Variants in TRHR observed in about 807,000 individuals in gnomAD.
The protein encoded by TRHR is thyrotropin releasing hormone receptor, also known as thyrotropin-releasing hormone receptor.
In TRHR, 14 loss-of-function variants were observed where a neutral mutation model predicts 28.0. That is an observed-to-expected ratio of 0.50 (90% CI 0.33 to 0.78). The LOEUF (loss-of-function observed/expected upper bound fraction) is 0.78, where lower values mean the gene tolerates loss of function less well. Among genes scored for constraint, TRHR ranks in the 30% least tolerant of loss-of-function variants. TRHR has a pLI of 0.02. For missense variants in TRHR, 438 were observed against 469.5 expected (o/e 0.93, Z 0.62); for synonymous variants, 176 against 171.9 (o/e 1.02, Z -0.18).
intron 2 of TRHR, among the ~76,000 whole-genome samples, chr8:109,103,597 A>G (rs1405355259): frequency 6.6e-6 from 1 of 152,126 alleles, no homozygotes; most frequent in African/African-American, 2.4e-5. Flanking sequence ...ACCACTCTTC[A>G]CACTTGAGCA....
In TRHR at chr8:109,121,181, A is replaced by G. The variant is rs1375720272; in HGVS notation, c.*1726A>G. ...ATGCAAGCAAATATTTGCAGGAAATACCCTAAAACCCTACCTGCATGACAG... is the reference window on the plus strand; with the variant it reads ...ATGCAAGCAAATATTTGCAGGAAATGCCCTAAAACCCTACCTGCATGACAG... On this transcript the variant is annotated 3_prime_UTR_variant, in exon 3 of 3. Coordinates refer to ENST00000518632, the MANE Select transcript of TRHR (RefSeq NM_003301.7). Among the ~76,000 whole-genome samples the G allele has an allele frequency of 6.6e-6, 1 of 151,302 alleles. No individual in the cohort carries two copies. The highest frequency in any genetic ancestry group is 1.5e-5 in the Non-Finnish European group (1 of 67,694).
intron 2 of TRHR, among the ~76,000 whole-genome samples, chr8:109,117,140 T>A (rs531774657): frequency 8.5e-5 from 13 of 152,102 alleles, no homozygotes; most frequent in African/African-American, 3.1e-4. Context: ...TTGTTGGGTT[T>A]ATAATTGAAG....
chr8:109,105,959 A>C (rs1811744630), intron 2 of TRHR, among the ~76,000 whole-genome samples: 1 of 152,170 alleles, frequency 6.6e-6, no homozygotes, highest in Non-Finnish European at 1.5e-5. Context: ...TGTGAAAATA[A>C]TTATATACTT....
intron 2 of TRHR, among the ~76,000 whole-genome samples, chr8:109,114,943 G>A (rs528192201): frequency 2.6e-5 from 4 of 152,092 alleles, no homozygotes; most frequent in East Asian, 1.9e-4. Flanking sequence ...ATGCAAATGC[G>A]TAACTTAGAA....
At chr8:109,106,490 T>C (rs745796832) in intron 2 of TRHR, among the ~76,000 whole-genome samples, 1 of 152,168 alleles carries the variant, frequency 6.6e-6, no homozygotes, top group Non-Finnish European at 1.5e-5. Context: ...TTCATAACAA[T>C]ATAGCCAATA....
At chr8:109,091,876 G>A (rs915934733) in intron 2 of TRHR, among the ~76,000 whole-genome samples, 8 of 152,252 alleles carry the variant, frequency 5.3e-5, no homozygotes, top group Non-Finnish European at 1.2e-4. Flanking sequence ...ATATAAAGGA[G>A]ACATTGTTTA....
intron 2 of TRHR, among the ~76,000 whole-genome samples, chr8:109,093,400 C>CTTTTTTTTT (rs34645119): frequency 7.8e-4 from 60 of 77,384 alleles, no homozygotes; most frequent in Middle Eastern, 0.014. Context: ...GTGCTATTTA[C>CTTTTTTTTT]TTTTTTTTTT....
intron 2 of TRHR, among the ~76,000 whole-genome samples, chr8:109,114,084 T>C (rs1811879746): frequency 1.3e-5 from 2 of 152,060 alleles, no homozygotes; most frequent in African/African-American, 2.4e-5. Context: ...ATCCAAACTT[T>C]TGTGAGAGGT....
At chr8:109,092,572 G>A (rs1276636760) in intron 2 of TRHR, among the ~76,000 whole-genome samples, 1 of 152,076 alleles carries the variant, frequency 6.6e-6, no homozygotes, top group Admixed American at 6.5e-5. Context: ...GAGTAGCTGG[G>A]ATTACAGGTG....
chr8:109,115,447 C>G (rs200090479), intron 2 of TRHR, among the ~76,000 whole-genome samples: 3 of 152,024 alleles, frequency 2.0e-5, no homozygotes, highest in African/African-American at 7.2e-5. Flanking sequence ...CATGAGCATG[C>G]AATGTTCTTC....
intron 2 of TRHR, among the ~76,000 whole-genome samples, chr8:109,091,901 T>C (rs1181436740): frequency 6.6e-6 from 1 of 151,852 alleles, no homozygotes; most frequent in East Asian, 1.9e-4. Flanking sequence ...ATCATATTTG[T>C]CTCATTTCAG....
chr8:109,089,474 T>G (rs562438713), intron 2 of TRHR, among the ~76,000 whole-genome samples: 57 of 152,188 alleles, frequency 3.7e-4, no homozygotes, highest in African/African-American at 1.3e-3. Flanking sequence ...GCTAAAAAAT[T>G]TAAGTGTTTT....
rs1447662279 is a variant in TRHR, at chr8:109,119,961, TTTA to T, written c.*509_*511del. Reference sequence around the variant, plus strand: ...GGAAAAATATTACAGAAACATTTTATTTATTGAGTAAAAATAAGATTTTAGACA... The same window carrying T: ...GGAAAAATATTACAGAAACATTTTATTTGAGTAAAAATAAGATTTTAGACA... On this transcript the variant is annotated 3_prime_UTR_variant, in exon 3 of 3. Transcript: ENST00000518632. 6.6e-6 allele frequency among the ~76,000 whole-genome samples: 1 copy of T among 151,938 alleles called. No homozygotes were observed. Among genetic ancestry groups the T allele is most frequent in the Non-Finnish European group, 1.5e-5 (1 of 67,890 alleles).
Position 109,119,266 on chromosome 8 carries a change from C to A in TRHR, c.1008C>A (p.Asn336Lys), listed in dbSNP as rs1310025949. ...KFRAAFRKLCNCKQKPTEKPA... is the reference protein window; with the variant it reads ...KFRAAFRKLCKCKQKPTEKPA... Reference sequence around the variant, plus strand: ...GTGCAGCCTTCAGAAAGCTCTGCAACTGCAAGCAGAAGCCAACAGAGAAAC... The same window carrying A: ...GTGCAGCCTTCAGAAAGCTCTGCAAATGCAAGCAGAAGCCAACAGAGAAAC... The change falls in exon 3 of 3, where the codon AAC (asparagine) becomes AAA (lysine). Residue 336 changes from asparagine to lysine, a missense_variant. Asn to Lys is a moderately conservative substitution (Grantham distance 94). Coordinates refer to ENST00000518632, the MANE Select transcript of TRHR (RefSeq NM_003301.7). The A allele has an allele frequency of 6.2e-7, 1 of 1,612,824 alleles. No homozygotes were observed. Among genetic ancestry groups the A allele is most frequent in the Non-Finnish European group, 8.5e-7 (1 of 1,179,244 alleles).
chr8:109,094,595 A>G (rs1163984761), intron 2 of TRHR, among the ~76,000 whole-genome samples: 1 of 152,056 alleles, frequency 6.6e-6, no homozygotes, highest in Admixed American at 6.6e-5. Context: ...CACATCCTGT[A>G]TAAGAAAAGA....
intron 2 of TRHR, among the ~76,000 whole-genome samples, chr8:109,112,575 C>T (rs902133196): frequency 6.6e-6 from 1 of 152,132 alleles, no homozygotes; most frequent in Non-Finnish European, 1.5e-5. Flanking sequence ...GTTACGAAAT[C>T]TTCTTCCTAA....
intron 2 of TRHR, among the ~76,000 whole-genome samples, chr8:109,106,399 C>G (rs1188401547): frequency 1.3e-5 from 2 of 152,092 alleles, no homozygotes; most frequent in Admixed American, 6.6e-5. Context: ...TAGTGCCGAT[C>G]AATATTCAGT....
At chr8:109,104,898 T>A (rs1003559754) in intron 2 of TRHR, among the ~76,000 whole-genome samples, 1 of 152,050 alleles carries the variant, frequency 6.6e-6, no homozygotes, top group South Asian at 2.1e-4. Flanking sequence ...GGTGGGAGGA[T>A]CGCTTGAGCC....
intron 2 of TRHR, among the ~76,000 whole-genome samples, chr8:109,115,017 G>A (rs1294476775): frequency 1.3e-5 from 2 of 151,968 alleles, no homozygotes; most frequent in African/African-American, 4.8e-5. Context: ...CAAAGATTGT[G>A]TCATGCTATT....
Sources: allele counts gnomAD v4.1 joint callset (sites outside exome capture counted in the v4.1 genomes callset), GRCh38; gene constraint gnomAD v4.1.1; transcripts MANE v1.5; gene names NCBI Gene and HGNC (gene_info 2026-07-23, HGNC 2026-07-21).